Variants in VPS37C observed in about 807,000 individuals in gnomAD.
The protein encoded by VPS37C is VPS37C subunit of ESCRT-I.
Under a neutral mutation model 16.1 loss-of-function variants are expected in VPS37C, and 9 were observed. The ratio of observed to expected loss-of-function variants is 0.56; its 90% CI spans 0.34 to 0.97. The LOEUF is 0.97. VPS37C is among the 50% of genes least tolerant of loss of function. The probability of loss-of-function intolerance (pLI) is 0.02; values close to 1 mark genes in which losing one functional copy is unlikely to be tolerated. For missense variants in VPS37C, 479 were observed against 472.7 expected, an observed-to-expected ratio of 1.01 and a Z score of -0.12; for synonymous variants, 207 against 206.4, an observed-to-expected ratio of 1.00 and a Z score of -0.02.
At chr11:61,155,327 A>G (rs1400361694) in intron 1 of VPS37C, among the ~76,000 whole-genome samples, 1 of 151,840 alleles carries the variant, frequency 6.6e-6, no homozygotes, top group Non-Finnish European at 1.5e-5. Context: ...CTACAAAAAT[A>G]AAGAATAATC....
In VPS37C at chr11:61,132,538, G is replaced by A. The variant is rs2134625459; in HGVS notation, c.350C>T (p.Ala117Val). The A allele has an allele frequency of 6.3e-7, 1 of 1,590,504 alleles. No individual in the cohort carries two copies. Among genetic ancestry groups the A allele is most frequent in the Middle Eastern group, 1.7e-4 (1 of 5,948 alleles). The change falls in exon 5 of 5, where the codon GCC becomes GTC. Residue 117 changes from alanine (A) to valine (V), a missense_variant and splice_region_variant. Coordinates refer to ENST00000301765, the MANE Select transcript of VPS37C (RefSeq NM_017966.5). Reference sequence around the variant, plus strand: ...GCCCTCCAGGAACTTCTCAGCCATGGCCTGGAAGACATAAGGTCCAGTGAC... The same window carrying A: ...GCCCTCCAGGAACTTCTCAGCCATGACCTGGAAGACATAAGGTCCAGTGAC... ...EGMKIEEESE[A>V]MAEKFLEGEV...
rs1240035767 is a variant in VPS37C, at chr11:61,130,855, G to C, written c.*965C>G. ...ATGCCTGTCTTAGGATGGACACTGG[G>C]GGTGGGAGGATTACATCAACAGAGT... On this transcript the variant is annotated 3_prime_UTR_variant, in exon 5 of 5. Transcript: ENST00000301765. 1 of 423,988 alleles carries C rather than the reference G, an allele frequency of 2.4e-6. No homozygotes were observed. Among genetic ancestry groups the C allele is most frequent in the East Asian group, 9.2e-5 (1 of 10,928 alleles). 26.3% of individuals were successfully genotyped at this position (423,988 alleles called of 1,614,324 possible). A position where few individuals can be genotyped will look rare whatever the true frequency, so the allele number is the denominator to read the frequency against.
At chr11:61,150,837 G>A (rs960829452) in intron 1 of VPS37C, among the ~76,000 whole-genome samples, 2 of 152,036 alleles carry the variant, frequency 1.3e-5, no homozygotes, top group South Asian at 2.1e-4. Context: ...AGGCCTTACC[G>A]CCTCCTGCCC....
At position 61,132,440 on chromosome 11, in the gene VPS37C, C is replaced by T. The variant is rs755593200; in HGVS notation, c.448G>A (p.Val150Met). The stretch of plus-strand genomic sequence containing the variant: ...CTCACCACTTCCTGGAGCTTTTCCA[C>T]GCGAACCCGGCGCAGGTGGGACAGC... ...RMLSHLRRVR[V>M]EKLQEVVRKP... Residue 150 changes from valine (V) to methionine (M), a missense_variant, in exon 5 of 5, where the codon GTG (valine) becomes ATG (methionine). By Grantham distance (21) the Val-to-Met change is conservative. Coordinates refer to ENST00000301765, the MANE Select transcript of VPS37C (RefSeq NM_017966.5). The T allele has an allele frequency of 1.9e-5, 30 of 1,612,390 alleles. No homozygotes were observed. Among genetic ancestry groups the T allele is most frequent in the Non-Finnish European group, 2.3e-5 (27 of 1,179,370 alleles).
intron 1 of VPS37C, among the ~76,000 whole-genome samples, chr11:61,147,534 G>A (rs917442569): frequency 2.0e-5 from 3 of 152,068 alleles, no homozygotes; most frequent in Admixed American, 2.0e-4. Context: ...AGACCGGGGT[G>A]GAAGGGGAAC....
In VPS37C at chr11:61,131,602, A is replaced by C; in HGVS notation, c.*218T>G. On this transcript the variant is annotated 3_prime_UTR_variant, in exon 5 of 5. Coordinates refer to ENST00000301765, the MANE Select transcript of VPS37C (RefSeq NM_017966.5). ...TAGCACCGCTGCAGCCAGGCACTGAAAGGAGGGGCTTCCAGGAGGACCTCT... is the reference window on the plus strand; with the variant it reads ...TAGCACCGCTGCAGCCAGGCACTGACAGGAGGGGCTTCCAGGAGGACCTCT... 1 of 572,544 alleles carries C rather than the reference A, an allele frequency of 1.7e-6. No individual in the cohort carries two copies. Among genetic ancestry groups the C allele is most frequent in the Non-Finnish European group, 2.6e-6 (1 of 387,032 alleles). The allele number at this position is 572,544 out of a possible 1,614,324, so 35.5% of individuals were successfully genotyped here. A position where few individuals can be genotyped will look rare whatever the true frequency, so the allele number is the denominator to read the frequency against.
chr11:61,150,620 C>A (rs890959429), intron 1 of VPS37C, among the ~76,000 whole-genome samples: 2 of 150,670 alleles, frequency 1.3e-5, no homozygotes, highest in African/African-American at 4.9e-5. Context: ...CTTCACAACA[C>A]ATATGCTCTG....
intron 1 of VPS37C, among the ~76,000 whole-genome samples, chr11:61,158,985 A>G (rs1460630117): frequency 6.6e-6 from 1 of 152,202 alleles, no homozygotes; most frequent in Non-Finnish European, 1.5e-5. Flanking sequence ...TCCTTCAAGG[A>G]CACTTCTAAC....
intron 1 of VPS37C, among the ~76,000 whole-genome samples, chr11:61,146,173 G>A (rs1853204447): frequency 6.6e-6 from 1 of 152,134 alleles, no homozygotes; most frequent in African/African-American, 2.4e-5. Flanking sequence ...CCTTACCCCC[G>A]CCTGCTCGCA....
chr11:61,132,595 T>C (rs1861291990), intron 4 of VPS37C, 56 bp from the exon 5 acceptor site: 16 of 1,517,780 alleles, frequency 1.1e-5, no homozygotes, highest in Non-Finnish European at 1.4e-5. Context: ...GGCCTCTTGA[T>C]TTTCCCCAGG....
rs139187594 is a variant in VPS37C at position 61,134,111 on chromosome 11, G to T, written c.190C>A (p.Arg64Ser). Residue 64 changes from arginine to serine, a missense_variant, in exon 3 of 5, where the codon CGC becomes AGC. Coordinates refer to ENST00000301765, the MANE Select transcript of VPS37C (RefSeq NM_017966.5). ...LEFQGPLEISRSNLSDRYQEL... is the reference protein window; with the variant it reads ...LEFQGPLEISSSNLSDRYQEL... ...TGGTATCTATCCGAGAGGTTTGAGC[G>T]GCTGATCTCCAGGGGACCCTGGAAC... is the stretch of plus-strand genomic sequence containing the variant. The T allele has an allele frequency of 1.8e-4, 287 of 1,613,950 alleles. 1 individual carries two copies. Among genetic ancestry groups the T allele is most frequent in the Admixed American group, 5.8e-4 (35 of 60,020 alleles).
chr11:61,132,661 T>G, intron 4 of VPS37C, 122 bp from the exon 5 acceptor site: 1 of 1,316,804 alleles, frequency 7.6e-7, no homozygotes, highest in Non-Finnish European at 1.0e-6. Flanking sequence ...CCCCCTCCTC[T>G]TCCCTGCCCA....
chr11:61,132,005 C>A lies in VPS37C; in HGVS notation c.883G>T (p.Gly295Cys). The change falls in exon 5 of 5, where the codon GGT becomes TGT. Residue 295 changes from glycine to cysteine, a missense_variant. Gly to Cys is a radical substitution (Grantham distance 159). Coordinates refer to ENST00000301765, the MANE Select transcript of VPS37C (RefSeq NM_017966.5). ...PLRGGRAPSP[G>C]YPQQSPYPAT... ...GGGTATGGGGACTGTTGAGGATAACCAGGACTGGGGGCCCTGCCTCCCCGC... is the reference window on the plus strand; with the variant it reads ...GGGTATGGGGACTGTTGAGGATAACAAGGACTGGGGGCCCTGCCTCCCCGC... The A allele has an allele frequency of 7.3e-7, 1 of 1,370,160 alleles. No individual in the cohort carries two copies. The highest frequency in any genetic ancestry group is 1.9e-5 in the South Asian group (1 of 52,738). 84.9% of individuals were successfully genotyped at this position (1,370,160 alleles called of 1,614,324 possible).
intron 1 of VPS37C, among the ~76,000 whole-genome samples, chr11:61,153,867 A>G (rs1469791710): frequency 1.3e-5 from 2 of 152,212 alleles, no homozygotes; most frequent in East Asian, 1.9e-4. Flanking sequence ...GTACTGATCT[A>G]TACCAGTCCA....
chr11:61,153,862 G>C (rs1405926589), intron 1 of VPS37C, among the ~76,000 whole-genome samples: 2 of 152,172 alleles, frequency 1.3e-5, no homozygotes, highest in South Asian at 2.1e-4. Flanking sequence ...AGCTGGTACT[G>C]ATCTATACCA....
intron 2 of VPS37C, among the ~76,000 whole-genome samples, chr11:61,137,591 G>A (rs148318339): frequency 1.9e-3 from 286 of 152,320 alleles, no homozygotes; most frequent in African/African-American, 6.8e-3. Context: ...ACTGTGCCCA[G>A]CACCAGGCTG....
chr11:61,160,432 T>C (rs1035246933), intron 1 of VPS37C, among the ~76,000 whole-genome samples: 3 of 151,830 alleles, frequency 2.0e-5, no homozygotes, highest in Non-Finnish European at 4.4e-5. Flanking sequence ...GAACTGAGAG[T>C]CTGGTGGCAG....
intron 1 of VPS37C, among the ~76,000 whole-genome samples, chr11:61,152,185 C>T (rs1343958243): frequency 6.6e-6 from 1 of 152,090 alleles, no homozygotes; most frequent in Middle Eastern, 3.2e-3. Context: ...ATGATAAGAC[C>T]GCTGTACTCA....
intron 1 of VPS37C, among the ~76,000 whole-genome samples, chr11:61,157,318 A>AT (rs1398859921): frequency 2.0e-5 from 3 of 152,188 alleles, no homozygotes; most frequent in Non-Finnish European, 4.4e-5. Context: ...CTGCCATACT[A>AT]TTTGCCACTG....
Sources: gnomAD v4.1 joint callset for allele counts (sites outside exome capture counted in the v4.1 genomes callset) on GRCh38, gnomAD v4.1.1 for gene constraint, MANE v1.5 for transcripts, NCBI Gene and HGNC (gene_info 2026-07-23, HGNC 2026-07-21) for gene names.